PLEKHB2: variants seen among roughly 807,000 people sequenced by gnomAD.
The protein encoded by PLEKHB2 is pleckstrin homology domain-containing family B member 2.
A neutral mutation model predicts 36.5 loss-of-function variants in PLEKHB2; 31 were observed. The ratio of observed to expected loss-of-function variants is 0.85; its 90% CI spans 0.64 to 1.15. PLEKHB2 has a LOEUF of 1.15. Ranked by LOEUF, PLEKHB2 falls within the 50% of genes most tolerant of loss-of-function variation. The pLI is 0.00. For synonymous variants in PLEKHB2, 119 were observed against 112.0 expected, an observed-to-expected ratio of 1.06 and a Z score of -0.39; for missense variants, 262 against 295.3, an observed-to-expected ratio of 0.89 and a Z score of 0.83.
intron 4 of PLEKHB2, chr2:131,127,031 C>G: frequency 2.5e-6 from 1 of 405,254 alleles, no homozygotes. Context: ...ATCATGCTGT[C>G]TTTCATTATT....
At chr2:131,135,155 T>G (rs1194703074) in intron 6 of PLEKHB2, among the ~76,000 whole-genome samples, 5 of 152,108 alleles carry the variant, frequency 3.3e-5, no homozygotes, top group Non-Finnish European at 5.9e-5. Context: ...GACTGCACCC[T>G]CCGCCTCCTG....
intron 4 of PLEKHB2, among the ~76,000 whole-genome samples, chr2:131,127,324 G>A (rs1212352856): frequency 6.6e-6 from 1 of 152,162 alleles, no homozygotes; most frequent in African/African-American, 2.4e-5. Flanking sequence ...TTGGCTGACA[G>A]CCACATCACT....
Position 131,148,091 on chromosome 2 carries a change from T to G in PLEKHB2, c.*1318T>G, listed in dbSNP as rs967251282. On this transcript the variant is annotated 3_prime_UTR_variant, in exon 8 of 8. Coordinates refer to ENST00000693505, the MANE Select transcript of PLEKHB2 (RefSeq NM_001100623.2). ...GAAGTGGGACTCTGTGGCTGTTCAC[T>G]GAGCACCAGGGCAGACTGTAGCTGA... The G allele has an allele frequency of 2.0e-5, 3 of 152,532 alleles. No homozygotes were observed. Among genetic ancestry groups the G allele is most frequent in the African/African-American group, 7.2e-5 (3 of 41,454 alleles). 9.4% of individuals were successfully genotyped at this position (152,532 alleles called of 1,614,324 possible). A position where few individuals can be genotyped will look rare whatever the true frequency, so the allele number is the denominator to read the frequency against.
chr2:131,118,371 C>T (rs916662971), intron 1 of PLEKHB2, among the ~76,000 whole-genome samples: 13 of 152,066 alleles, frequency 8.5e-5, no homozygotes, highest in South Asian at 6.2e-4. Flanking sequence ...GAAGCTTCAG[C>T]GTGCATGATT....
rs1271484339 is a variant in PLEKHB2 at position 131,144,280 on chromosome 2, G to A, written c.533-2357G>A. On this transcript the variant is annotated intron_variant, in intron 7 of 7. Transcript: ENST00000693505. ...TGAGAAAGTACAGAGTACTGTAGAC[G>A]TATTGTAAACATTGTGCTGTGATTT... The A allele has an allele frequency of 3.5e-5, 13 of 375,666 alleles. No homozygotes were observed. The Middle Eastern group carries it at 2.7e-3, about 79-fold the overall frequency. 23.3% of individuals were successfully genotyped at this position (375,666 alleles called of 1,614,324 possible).
intron 1 of PLEKHB2, among the ~76,000 whole-genome samples, chr2:131,116,366 A>G (rs1033784955): frequency 6.6e-6 from 1 of 152,238 alleles, no homozygotes; most frequent in Non-Finnish European, 1.5e-5. Context: ...CATAGGCACA[A>G]CATTCGTTGT....
intron 6 of PLEKHB2, among the ~76,000 whole-genome samples, chr2:131,137,492 G>A (rs1030824734): frequency 6.6e-6 from 1 of 152,160 alleles, no homozygotes; most frequent in African/African-American, 2.4e-5. Flanking sequence ...TTGACAGTTT[G>A]TAGTTTTTGT....
At chr2:131,135,598 G>C (rs889742817) in intron 6 of PLEKHB2, among the ~76,000 whole-genome samples, 11 of 151,808 alleles carry the variant, frequency 7.2e-5, no homozygotes, top group Non-Finnish European at 1.3e-4. Context: ...TTTTAGGGGG[G>C]ATGTATTCAG....
chr2:131,132,500 T>C (rs1325207309), intron 5 of PLEKHB2, among the ~76,000 whole-genome samples: 1 of 152,164 alleles, frequency 6.6e-6, no homozygotes, highest in Non-Finnish European at 1.5e-5. Flanking sequence ...GCTCTCCCTC[T>C]GTTGCCTAGG....
At chr2:131,132,033 C>T (rs1697759003) in intron 5 of PLEKHB2, among the ~76,000 whole-genome samples, 1 of 152,090 alleles carries the variant, frequency 6.6e-6, no homozygotes, top group Admixed American at 6.5e-5. Context: ...GGGGTTTCAT[C>T]ATGTTGGTCA....
At chr2:131,131,307 T>A (rs1251983391) in intron 5 of PLEKHB2, among the ~76,000 whole-genome samples, 1 of 152,234 alleles carries the variant, frequency 6.6e-6, no homozygotes, top group Non-Finnish European at 1.5e-5. Context: ...TTTCTCAAAG[T>A]TCTGCAACAC....
chr2:131,123,766 A>ACTCCCCCCCCCCC (rs1696780168), intron 2 of PLEKHB2, among the ~76,000 whole-genome samples: 1 of 11,530 alleles, frequency 8.7e-5, no homozygotes, highest in African/African-American at 3.2e-4. Flanking sequence ...CTCCTGGTCC[A>ACTCCCCCCCCCCC]CCCCCCCCAC....
At position 131,120,916 on chromosome 2, in the gene PLEKHB2, C is replaced by A; in HGVS notation, c.-8-18C>A. 6.2e-7 allele frequency: 1 copy of A among 1,613,534 alleles called. No individual in the cohort carries two copies. The highest frequency in any genetic ancestry group is 8.5e-7 in the Non-Finnish European group (1 of 1,179,436). On this transcript the variant is annotated intron_variant, in intron 1 of 7. Transcript: ENST00000693505. Reference sequence around the variant, plus strand: ...CTTTCTGGGTATGATTTTGAACCTGCCTGTTTTTGTTCTGTAGGTGAAGAG... The same window carrying A: ...CTTTCTGGGTATGATTTTGAACCTGACTGTTTTTGTTCTGTAGGTGAAGAG...
intron 7 of PLEKHB2, among the ~76,000 whole-genome samples, chr2:131,142,934 G>C (rs1374275905): frequency 6.6e-6 from 1 of 152,040 alleles, no homozygotes; most frequent in Non-Finnish European, 1.5e-5. Context: ...AGGATGGTTT[G>C]ACTTAATGAT....
intron 1 of PLEKHB2, among the ~76,000 whole-genome samples, chr2:131,109,380 CA>C (rs1559041676): frequency 6.6e-6 from 1 of 152,112 alleles, no homozygotes; most frequent in Non-Finnish European, 1.5e-5. Context: ...CAAAATAATA[CA>C]TGTACATAGA....
chr2:131,139,080 CTAAAAATGTTCTGTCTTGCTA>C (rs1698535266), intron 6 of PLEKHB2, among the ~76,000 whole-genome samples: 1 of 152,176 alleles, frequency 6.6e-6, no homozygotes, highest in Non-Finnish European at 1.5e-5. Context: ...AGGTTATTGT[CTAAAAATGTTCTGTCTTGCTA>C]GGTTGCCCCT....
At chr2:131,112,721 T>C (rs547715048) in intron 1 of PLEKHB2, among the ~76,000 whole-genome samples, 1 of 152,266 alleles carries the variant, frequency 6.6e-6, no homozygotes, top group South Asian at 2.1e-4. Context: ...GGTCACATTG[T>C]GTAACTTGTA....
At chr2:131,145,461 A>G (rs1699188599) in intron 7 of PLEKHB2, among the ~76,000 whole-genome samples, 1 of 151,942 alleles carries the variant, frequency 6.6e-6, no homozygotes, top group Admixed American at 6.6e-5. Context: ...ATGCCTCAGT[A>G]TGGGATTACA....
chr2:131,131,801 TAC>T (rs1419768843), intron 5 of PLEKHB2, among the ~76,000 whole-genome samples: 1 of 146,444 alleles, frequency 6.8e-6, no homozygotes, highest in African/African-American at 2.5e-5. Context: ...TAACAATCCA[TAC>T]AGTTAAGGGC....
Sources: gnomAD v4.1 joint callset for allele counts (sites outside exome capture counted in the v4.1 genomes callset) on GRCh38, gnomAD v4.1.1 for gene constraint, MANE v1.5 for transcripts, NCBI Gene and HGNC (gene_info 2026-07-23, HGNC 2026-07-21) for gene names.